IGSF5: variants seen among roughly 807,000 people sequenced by gnomAD.
IGSF5 encodes immunoglobulin superfamily member 5.
A neutral mutation model predicts 39.4 loss-of-function variants in IGSF5; 41 were observed. The observed-to-expected ratio is 1.04, with a 90% CI of 0.81 to 1.35. The LOEUF (loss-of-function observed/expected upper bound fraction) is 1.35. Among genes scored for constraint, IGSF5 ranks in the 40% most tolerant of loss-of-function variants. IGSF5 has a pLI of 0.00. For missense variants in IGSF5, 487 were observed against 494.6 expected (o/e 0.98, Z 0.15); for synonymous variants, 183 against 175.3 (o/e 1.04, Z -0.34).
At chr21:39,721,881 A>G in the IGSF5 span, among the ~76,000 whole-genome samples, 1 of 152,212 alleles carries the variant, frequency 6.6e-6, no homozygotes. Flanking sequence ...CCCATTAAAA[A>G]AATTCTGAGT....
intron 1 of IGSF5, 31 bp from the exon 2 acceptor site, chr21:39,746,185 G>A: frequency 1.4e-6 from 1 of 701,716 alleles, no homozygotes; most frequent in Non-Finnish European, 2.6e-6. Context: ...TAGCCTGATT[G>A]GAAGTGGCAA....
At chr21:39,791,493 G>T (rs1470368855) in intron 6 of IGSF5, 3 of 152,196 alleles carry the variant, frequency 2.0e-5, no homozygotes, top group African/African-American at 7.2e-5. Context: ...TATTTCAGGA[G>T]TTGGCACATT....
At chr21:39,720,095 A>C in the IGSF5 span, among the ~76,000 whole-genome samples, 1 of 152,224 alleles carries the variant, frequency 6.6e-6, no homozygotes. Flanking sequence ...TTTTCATGGA[A>C]GACAATTTTT....
intron 2 of IGSF5, among the ~76,000 whole-genome samples, chr21:39,760,052 G>A (rs1175948997): frequency 6.6e-6 from 1 of 152,090 alleles, no homozygotes; most frequent in Non-Finnish European, 1.5e-5. Flanking sequence ...GCGTTCAAAT[G>A]CTTCATGTTG....
At chr21:39,729,763 A>C in the IGSF5 span, 1 of 152,204 alleles carries the variant, frequency 6.6e-6, no homozygotes, top group African/African-American at 2.4e-5. Context: ...AAGACTTGGA[A>C]TACAGCTCTC....
upstream of IGSF5, among the ~76,000 whole-genome samples, chr21:39,740,947 A>T (rs2079946011): frequency 6.6e-6 from 1 of 152,188 alleles, no homozygotes; most frequent in Non-Finnish European, 1.5e-5. Flanking sequence ...TAACTGCTTC[A>T]GATACTAAGA....
chr21:39,776,444 G>T (rs2080141364), intron 4 of IGSF5, among the ~76,000 whole-genome samples: 1 of 152,148 alleles, frequency 6.6e-6, no homozygotes, highest in African/African-American at 2.4e-5. Flanking sequence ...AAGTGATGTG[G>T]TTCCTAATAC....
rs1194551473 is a variant in IGSF5, at chr21:39,793,558, C to A, written c.1073C>A (p.Ser358Tyr). The A allele has an allele frequency of 6.2e-7, 1 of 1,614,014 alleles. No individual in the cohort carries two copies. Among genetic ancestry groups the A allele is most frequent in the African/African-American group, 1.3e-5 (1 of 74,938 alleles). The change falls in exon 8 of 9, where the codon TCC becomes TAC. Residue 358 changes from serine (S) to tyrosine (Y), a missense_variant. Physicochemically the swap from Ser to Tyr is moderately radical, Grantham distance 144. Transcript: ENST00000380588. ...TTDTASLPPKSCESSDPEQRN... is the reference protein window; with the variant it reads ...TTDTASLPPKYCESSDPEQRN... The stretch of plus-strand genomic sequence containing the variant: ...GACACCGCTTCTCTCCCTCCCAAAT[C>A]CTGTGAATCCAGTGATCCTGAACAA...
Position 39,793,509 on chromosome 21 carries a change from C to T in IGSF5, c.1049-25C>T, listed in dbSNP as rs184423007. 69 of 1,595,682 alleles carry T rather than the reference C, an allele frequency of 4.3e-5. No individual in the cohort carries two copies. The African/African-American group carries it at 7.7e-4, about 18-fold the overall frequency. On this transcript the variant is annotated intron_variant, in intron 7 of 8. Coordinates refer to ENST00000380588, the MANE Select transcript of IGSF5 (RefSeq NM_001080444.2). ...CAGCTTGGTTTTTGCCACTTAATGA[C>T]TCTAAAATTGTTCTTCTGTTGCAGA... is the stretch of plus-strand genomic sequence containing the variant.
At chr21:39,754,191 G>A (rs953478953) in intron 2 of IGSF5, among the ~76,000 whole-genome samples, 1 of 152,164 alleles carries the variant, frequency 6.6e-6, no homozygotes, top group Non-Finnish European at 1.5e-5. Context: ...GTTTGGTAGT[G>A]GCAAATGCCT....
chr21:39,761,830 G>T (rs8127298), intron 2 of IGSF5, among the ~76,000 whole-genome samples: 122,308 of 151,534 alleles, frequency 0.81, 49,515 homozygotes, highest in Admixed American at 0.85. Flanking sequence ...TAACACACAC[G>T]GCTATTTTTA....
chr21:39,740,458 A>G (rs2079943781), upstream of IGSF5, among the ~76,000 whole-genome samples: 1 of 152,196 alleles, frequency 6.6e-6, no homozygotes, highest in South Asian at 2.1e-4. Flanking sequence ...GGACTAGGTA[A>G]GCATACTTAG....
At chr21:39,738,645 C>G in the IGSF5 span, among the ~76,000 whole-genome samples, 1 of 152,040 alleles carries the variant, frequency 6.6e-6, no homozygotes, top group Admixed American at 6.5e-5. This position sits in a 1 kb window ranked among gnomAD's most constrained non-coding sequence, Gnocchi z 6.4. Context: ...CAATACACTG[C>G]GGAGAGGTGA....
chr21:39,748,872 C>T (rs534464570), intron 2 of IGSF5, among the ~76,000 whole-genome samples: 5 of 152,240 alleles, frequency 3.3e-5, no homozygotes, highest in Non-Finnish European at 5.9e-5. Context: ...TGAATTGTGA[C>T]GTGCAGCTGA....
chr21:39,779,840 T>C (rs1393065779), intron 5 of IGSF5, among the ~76,000 whole-genome samples: 3 of 152,088 alleles, frequency 2.0e-5, no homozygotes, highest in Admixed American at 6.5e-5. Flanking sequence ...ATAGGTGGAA[T>C]CTAAAAAAGC....
At position 39,746,170 on chromosome 21, in the gene IGSF5, G is replaced by A. The variant is rs1359546353; in HGVS notation, c.18-46G>A. ...CTTAGCCATGCAGGAACAATGGCGA[G>A]CCTTTAGCCTGATTGGAAGTGGCAA... On this transcript the variant is annotated intron_variant, in intron 1 of 8. Transcript: ENST00000380588. The A allele has an allele frequency of 8.6e-6, 6 of 701,492 alleles. No individual in the cohort carries two copies. The Admixed American group carries it at 1.2e-4, about 14-fold the overall frequency. 43.5% of individuals were successfully genotyped at this position (701,492 alleles called of 1,614,324 possible).
intron 3 of IGSF5, among the ~76,000 whole-genome samples, chr21:39,767,521 C>T (rs375750855): frequency 5.9e-5 from 9 of 152,162 alleles, no homozygotes; most frequent in African/African-American, 1.7e-4. Flanking sequence ...ATAGGGCTGC[C>T]GTGGTGTCAA....
intron 1 of IGSF5, among the ~76,000 whole-genome samples, chr21:39,745,827 A>G (rs2146267927): frequency 6.6e-6 from 1 of 152,178 alleles, no homozygotes; most frequent in East Asian, 1.9e-4. Flanking sequence ...CTCCACCTCT[A>G]AGGAAGGCTA....
Position 39,745,480 on chromosome 21 carries a change from C to T in IGSF5, c.-30C>T, listed in dbSNP as rs1284269945. ...AAGGAGAATTTTGGGGCTATACTTT[C>T]AAGAAAGTCGTGTTCGGGACCCAGG... On this transcript the variant is annotated 5_prime_UTR_variant, in exon 1 of 9. Transcript: ENST00000380588. 6 of 714,554 alleles carry T rather than the reference C, an allele frequency of 8.4e-6. No homozygotes were observed. The highest frequency in any genetic ancestry group is 1.5e-5 in the South Asian group (1 of 67,566). 44.3% of individuals were successfully genotyped at this position (714,554 alleles called of 1,614,324 possible).
Sources: allele counts gnomAD v4.1 joint callset (sites outside exome capture counted in the v4.1 genomes callset), GRCh38; gene constraint gnomAD v4.1.1; non-coding constraint Gnocchi (gnomAD v3.1); transcripts MANE v1.5; gene names NCBI Gene and HGNC (gene_info 2026-07-23, HGNC 2026-07-21).